CADM1: variants seen among roughly 807,000 people sequenced by gnomAD.
CADM1 encodes the protein cell adhesion molecule 1.
A neutral mutation model predicts 53.1 loss-of-function variants in CADM1; 15 were observed. That is an observed-to-expected ratio of 0.28 (90% CI 0.19 to 0.44). The LOEUF (loss-of-function observed/expected upper bound fraction) is 0.44. Ranked by LOEUF, CADM1 falls within the 20% of genes least tolerant of loss-of-function variation. The pLI, the probability that CADM1 is intolerant of heterozygous loss-of-function variation, is 1.00. For synonymous variants in CADM1, 281 were observed against 243.0 expected (o/e 1.16, Z -1.45); for missense variants, 434 against 611.3 (o/e 0.71, Z 3.06).
intron 1 of CADM1, among the ~76,000 whole-genome samples, chr11:115,489,661 G>A (rs993560246): frequency 3.3e-5 from 5 of 152,228 alleles, no homozygotes; most frequent in South Asian, 2.1e-4. Context: ...CAAGTTGGAC[G>A]AAATGTGTAG....
At chr11:115,340,379 T>C (rs896055762) in intron 1 of CADM1, 1 of 151,804 alleles carries the variant, frequency 6.6e-6, no homozygotes, top group African/African-American at 2.4e-5. Context: ...ACAAAATCTT[T>C]CATGACAATC....
intron 1 of CADM1, chr11:115,287,585 G>C (rs1215631540): frequency 6.6e-6 from 1 of 152,238 alleles, no homozygotes; most frequent in East Asian, 1.9e-4. Context: ...AACAGCAACA[G>C]AGCATCAGTT....
At chr11:115,262,750 T>A (rs1159810318) in intron 1 of CADM1, among the ~76,000 whole-genome samples, 1 of 152,202 alleles carries the variant, frequency 6.6e-6, no homozygotes, top group Non-Finnish European at 1.5e-5. Context: ...TGAGGATTCA[T>A]TTTAGGGTTT....
chr11:115,434,922 G>A (rs1028365962), intron 1 of CADM1, among the ~76,000 whole-genome samples: 9 of 146,550 alleles, frequency 6.1e-5, no homozygotes, highest in Non-Finnish European at 7.5e-5. Context: ...GCGCAATGGT[G>A]CAATCTTGGC....
chr11:115,263,103 GCCC>G (rs1420128062), intron 1 of CADM1, among the ~76,000 whole-genome samples: 2 of 152,206 alleles, frequency 1.3e-5, no homozygotes, highest in African/African-American at 2.4e-5. Context: ...GAGGCGACGC[GCCC>G]CTTCATTGCA....
At chr11:115,437,370 A>C (rs1341082350) in intron 1 of CADM1, among the ~76,000 whole-genome samples, 1 of 152,218 alleles carries the variant, frequency 6.6e-6, no homozygotes, top group Non-Finnish European at 1.5e-5. Context: ...ACATGAGTCC[A>C]ATTCTCTCTG....
intron 1 of CADM1, among the ~76,000 whole-genome samples, chr11:115,440,069 C>T (rs992865614): frequency 2.0e-5 from 3 of 152,204 alleles, no homozygotes; most frequent in African/African-American, 7.2e-5. Context: ...TCATAAATTA[C>T]TTAAATGTCC....
intron 1 of CADM1, among the ~76,000 whole-genome samples, chr11:115,283,048 T>G (rs954640153): frequency 6.6e-6 from 1 of 152,206 alleles, no homozygotes; most frequent in Non-Finnish European, 1.5e-5. Context: ...ACAGCTTTTA[T>G]AGCTTTGATG....
In CADM1 at chr11:115,196,870, G is replaced by A. The variant is rs145354371; in HGVS notation, c.1111+1536C>T. Among the ~76,000 whole-genome samples the A allele has an allele frequency of 6.3e-3, 960 of 152,270 alleles. 12 individuals carry two copies. The highest frequency in any genetic ancestry group is 0.021 in the African/African-American group (878 of 41,556). On this transcript the variant is annotated intron_variant, in intron 9 of 11. Transcript: ENST00000331581. ...CTTTGAGAATAATAGATAAAAGTCA[G>A]GAGGTGCTCAATTAATGATGAAATC...
At chr11:115,382,052 CCAGGCT>C (rs1456976936) in intron 1 of CADM1, among the ~76,000 whole-genome samples, 5 of 152,140 alleles carry the variant, frequency 3.3e-5, no homozygotes, top group African/African-American at 9.7e-5. Context: ...ACCATGGTGG[CCAGGCT>C]GGTCTCAAAC....
At chr11:115,298,047 G>T (rs1944125551) in intron 1 of CADM1, among the ~76,000 whole-genome samples, 1 of 152,180 alleles carries the variant, frequency 6.6e-6, no homozygotes, top group Non-Finnish European at 1.5e-5. Flanking sequence ...TTTGTGAATT[G>T]TTACAGATTC....
chr11:115,504,336 G>C lies in CADM1; in HGVS notation c.59C>G (p.Ala20Gly). ...SQCAAAAAAA[A>G]PPGLRLRLLL... ...AAGCCGGAGCCGGAGCCCGGGAGGC[G>C]CCGCCGCCGCCGCTGCCGCCGCACA... The change falls in exon 1 of 12, where the codon GCG (alanine) becomes GGG (glycine). Residue 20 changes from alanine (A) to glycine (G), a missense_variant. Ala to Gly is a moderately conservative substitution (Grantham distance 60, BLOSUM62 0). This residue lies in a region of CADM1 where 76 missense variants were observed against 59.8 expected (regional missense o/e 1.27). Coordinates refer to ENST00000331581, the MANE Select transcript of CADM1 (RefSeq NM_001301043.2). 6.5e-7 allele frequency: 1 copy of C among 1,546,814 alleles called. No individual in the cohort carries two copies. Among genetic ancestry groups the C allele is most frequent in the Non-Finnish European group, 8.7e-7 (1 of 1,144,662 alleles).
intron 1 of CADM1, among the ~76,000 whole-genome samples, chr11:115,483,383 C>T (rs1342120597): frequency 2.6e-5 from 4 of 152,118 alleles, no homozygotes; most frequent in Non-Finnish European, 2.9e-5. Context: ...AATTGGCATA[C>T]GGCAGTAGAG....
In CADM1 at chr11:115,214,780, C is replaced by A; in HGVS notation, c.822G>T (p.Gln274His). 6.2e-7 allele frequency: 1 copy of A among 1,613,728 alleles called. No homozygotes were observed. The highest frequency in any genetic ancestry group is 8.5e-7 in the Non-Finnish European group (1 of 1,179,818). Reference protein sequence around the residue: ...ELTCEAIGKPQPVMVTWVRVD... With the variant: ...ELTCEAIGKPHPVMVTWVRVD... ...CTCTCACCCAAGTTACCATCACAGG[C>A]CTGCAGGGGGAAGGGGAGGAAGACA... The change falls in exon 7 of 12, where the codon CAG becomes CAT. Residue 274 changes from glutamine (Q) to histidine (H), a missense_variant and splice_region_variant. Gln to His is a conservative substitution (Grantham distance 24). Coordinates refer to ENST00000331581, the MANE Select transcript of CADM1 (RefSeq NM_001301043.2).
At chr11:115,241,220 C>T (rs758765818) in intron 1 of CADM1, among the ~76,000 whole-genome samples, 8 of 152,190 alleles carry the variant, frequency 5.3e-5, no homozygotes, top group Non-Finnish European at 1.0e-4. Flanking sequence ...TGACGGCAGC[C>T]TGGGCCACCT....
chr11:115,230,604 C>T (rs972101131), intron 4 of CADM1, among the ~76,000 whole-genome samples: 4 of 152,182 alleles, frequency 2.6e-5, no homozygotes, highest in Non-Finnish European at 5.9e-5. Flanking sequence ...TTATCTGATG[C>T]AACACCTGAG....
chr11:115,177,748 T>C (rs965453453), intron 11 of CADM1, among the ~76,000 whole-genome samples: 2 of 151,172 alleles, frequency 1.3e-5, no homozygotes, highest in Non-Finnish European at 2.9e-5. Flanking sequence ...GGGCGAAGTA[T>C]GGACAGCTCT....
intron 8 of CADM1, among the ~76,000 whole-genome samples, chr11:115,203,281 G>A (rs757569344): frequency 3.9e-5 from 6 of 152,132 alleles, no homozygotes; most frequent in African/African-American, 4.8e-5. Flanking sequence ...CTGTATAGTG[G>A]TTTCATTTAA....
intron 1 of CADM1, among the ~76,000 whole-genome samples, chr11:115,351,449 GGGTA>G (rs1379481068): frequency 6.6e-6 from 1 of 152,164 alleles, no homozygotes. Context: ...TGGAGTCCCA[GGGTA>G]CAGAATTTGG....
Sources: allele counts gnomAD v4.1 joint callset (sites outside exome capture counted in the v4.1 genomes callset), GRCh38; gene constraint gnomAD v4.1.1; regional missense constraint gnomAD v4.1.1; transcripts MANE v1.5; gene names NCBI Gene and HGNC (gene_info 2026-07-23, HGNC 2026-07-21).